The following TMEM135 variants were observed in gnomAD, a reference collection of about 807,000 sequenced individuals.
TMEM135 encodes the protein transmembrane protein 135, also known as peroxisomal membrane protein 52.
TMEM135 carries 30 observed loss-of-function variants against 60.3 expected under a neutral mutation model. That is an observed-to-expected ratio of 0.50 (90% confidence interval 0.37 to 0.68). TMEM135 has a LOEUF of 0.68. Among genes scored for constraint, TMEM135 ranks in the 30% least tolerant of loss-of-function variants. The probability of loss-of-function intolerance (pLI) is 0.00; values close to 1 mark genes in which losing one functional copy is unlikely to be tolerated. For missense variants in TMEM135, 468 were observed against 548.8 expected, an observed-to-expected ratio of 0.85 and a Z score of 1.47; for synonymous variants, 190 against 186.7, an observed-to-expected ratio of 1.02 and a Z score of -0.14.
intron 5 of TMEM135, among the ~76,000 whole-genome samples, chr11:87,176,917 T>C (rs61020949): frequency 0.038 from 5,799 of 152,268 alleles, 340 homozygotes; most frequent in African/African-American, 0.13. Context: ...ATCCCATGCA[T>C]ATAACAACTT....
chr11:87,291,446 C>T (rs963486087), intron 6 of TMEM135, among the ~76,000 whole-genome samples: 8 of 150,100 alleles, frequency 5.3e-5, no homozygotes, highest in African/African-American at 7.3e-5. Flanking sequence ...CCACAATCAT[C>T]GTTCCCCTCC....
chr11:87,074,841 C>G lies in TMEM135; in HGVS notation c.362+3226C>G, dbSNP rs536261408. Reference sequence around the variant, plus strand: ...TTAGCAACCATTTTTTCATACCATCCAGTTCATATTGTCCTAAAATGGCTT... The same window carrying G: ...TTAGCAACCATTTTTTCATACCATCGAGTTCATATTGTCCTAAAATGGCTT... On this transcript the variant is annotated intron_variant, in intron 3 of 14. Transcript: ENST00000305494. 7.9e-5 allele frequency among the ~76,000 whole-genome samples: 12 copies of G among 152,302 alleles called. No homozygotes were observed. In the South Asian group the frequency reaches 2.5e-3, roughly 32 times the overall value.
intron 2 of TMEM135, among the ~76,000 whole-genome samples, chr11:87,070,639 A>ACAG (rs1477872327): frequency 6.6e-6 from 1 of 151,934 alleles, no homozygotes; most frequent in African/African-American, 2.4e-5. Context: ...CCATCTAAAA[A>ACAG]CAACAACAAC....
At chr11:87,072,257 T>G (rs561722339) in intron 3 of TMEM135, among the ~76,000 whole-genome samples, 44 of 152,284 alleles carry the variant, frequency 2.9e-4, no homozygotes, top group African/African-American at 1.1e-3. Flanking sequence ...CATAATAGCA[T>G]TTCACACTTA....
chr11:87,057,795 CTGTGTG>C (rs35519502), intron 1 of TMEM135, among the ~76,000 whole-genome samples: 1 of 75,678 alleles, frequency 1.3e-5, no homozygotes, highest in African/African-American at 9.1e-5. Flanking sequence ...ACAGAAGCCT[CTGTGTG>C]TGTGTGTGTG....
chr11:87,217,332 G>T (rs1292138124), intron 5 of TMEM135, among the ~76,000 whole-genome samples: 1 of 152,092 alleles, frequency 6.6e-6, no homozygotes, highest in Non-Finnish European at 1.5e-5. Context: ...GACCTACAAA[G>T]AATCAAGGTG....
intron 8 of TMEM135, 27 bp from the exon 9 acceptor site, chr11:87,305,909 G>T: frequency 2.5e-6 from 4 of 1,583,550 alleles, no homozygotes; most frequent in Non-Finnish European, 2.6e-6. Flanking sequence ...ATTATAATTA[G>T]TTTAATTTTT....
intron 3 of TMEM135, among the ~76,000 whole-genome samples, chr11:87,083,414 T>C (rs1446817023): frequency 6.6e-6 from 1 of 152,228 alleles, no homozygotes; most frequent in Admixed American, 6.5e-5. Flanking sequence ...GGAATTTGCT[T>C]TGATATTTAG....
At chr11:87,249,043 A>C (rs1941357424) in intron 6 of TMEM135, among the ~76,000 whole-genome samples, 1 of 152,164 alleles carries the variant, frequency 6.6e-6, no homozygotes. Context: ...TCTGCAAAGA[A>C]GGATAATTTA....
At chr11:87,166,697 G>A (rs1369827486) in intron 5 of TMEM135, among the ~76,000 whole-genome samples, 1 of 151,680 alleles carries the variant, frequency 6.6e-6, no homozygotes, top group Non-Finnish European at 1.5e-5. Flanking sequence ...ATGCTGTTTT[G>A]ATTACTGTGG....
intron 1 of TMEM135, among the ~76,000 whole-genome samples, chr11:87,056,094 A>G (rs559245674): frequency 6.6e-6 from 1 of 152,264 alleles, no homozygotes; most frequent in South Asian, 2.1e-4. Flanking sequence ...GTTGTGGTAA[A>G]GGATTAATTT....
chr11:87,102,452 C>T (rs757091215), intron 4 of TMEM135, among the ~76,000 whole-genome samples: 8 of 152,022 alleles, frequency 5.3e-5, no homozygotes, highest in Non-Finnish European at 1.0e-4. Flanking sequence ...TATATAGGAA[C>T]TGGAACTATC....
chr11:87,318,730 G>C (rs1006886134), intron 13 of TMEM135, among the ~76,000 whole-genome samples: 3 of 151,850 alleles, frequency 2.0e-5, no homozygotes, highest in African/African-American at 7.3e-5. Context: ...TAAAATTTTT[G>C]GGAAAACTTT....
Position 87,157,421 on chromosome 11 carries a change from T to G in TMEM135, c.462+15T>G, listed in dbSNP as rs144660009. ...GAAATGGAGAAGTAAGATGAGAATT[T>G]TGATATAGTTATTAGTTGTTAATTT... On this transcript the variant is annotated intron_variant, in intron 5 of 14. Coordinates refer to ENST00000305494, the MANE Select transcript of TMEM135 (RefSeq NM_022918.4). The G allele has an allele frequency of 2.6e-4, 419 of 1,603,482 alleles. 2 individuals are homozygous for G. In the African/African-American group the frequency reaches 4.8e-3, roughly 18 times the overall value.
intron 4 of TMEM135, among the ~76,000 whole-genome samples, chr11:87,100,240 G>A (rs1857426242): frequency 6.6e-6 from 1 of 152,170 alleles, no homozygotes; most frequent in African/African-American, 2.4e-5. Flanking sequence ...TTTTGACTAT[G>A]TCTGAGGGAA....
At chr11:87,207,207 GCTAT>G (rs1221955681) in intron 5 of TMEM135, among the ~76,000 whole-genome samples, 1 of 152,158 alleles carries the variant, frequency 6.6e-6, no homozygotes, top group African/African-American at 2.4e-5. Context: ...GGAGCTTTGG[GCTAT>G]TTGCTTTAGG....
chr11:87,273,827 C>T (rs1941916200), intron 6 of TMEM135, among the ~76,000 whole-genome samples: 3 of 152,108 alleles, frequency 2.0e-5, no homozygotes, highest in Admixed American at 2.0e-4. Context: ...AATTGAGTAA[C>T]AGGCATATTA....
At chr11:87,150,146 G>T (rs1938518506) in intron 4 of TMEM135, among the ~76,000 whole-genome samples, 1 of 151,214 alleles carries the variant, frequency 6.6e-6, no homozygotes, top group African/African-American at 2.4e-5. Context: ...GTACCTGGGA[G>T]GTGGAGGTTG....
chr11:87,314,700 G>A (rs1051926399), intron 12 of TMEM135, among the ~76,000 whole-genome samples, 153 bp downstream of exon 12: 1 of 151,772 alleles, frequency 6.6e-6, no homozygotes, highest in African/African-American at 2.4e-5. Flanking sequence ...TTTTCTTTGT[G>A]TGTGTGTTAT....
Sources: gnomAD v4.1 joint callset for allele counts (sites outside exome capture counted in the v4.1 genomes callset) on GRCh38, gnomAD v4.1.1 for gene constraint, MANE v1.5 for transcripts, NCBI Gene and HGNC (gene_info 2026-07-23, HGNC 2026-07-21) for gene names.